The following STAT6 variants were observed in gnomAD, a reference collection of about 807,000 sequenced individuals.
STAT6 encodes the protein STAT, interleukin4-induced.
A neutral mutation model predicts 106.3 loss-of-function variants in STAT6; 45 were observed. The observed-to-expected ratio is 0.42, with a 90% confidence interval of 0.33 to 0.54. The LOEUF is 0.54. STAT6 is among the 20% of genes least tolerant of loss of function. The probability of loss-of-function intolerance (pLI) is 0.06; values close to 1 mark genes in which losing one functional copy is unlikely to be tolerated. For synonymous variants in STAT6, 413 were observed against 413.6 expected, an observed-to-expected ratio of 1.00 and a Z score of 0.02; for missense variants, 797 against 1,062.2, an observed-to-expected ratio of 0.75 and a Z score of 3.47.
In STAT6 at chr12:57,098,919, G is replaced by C. The variant is rs756822613; in HGVS notation, c.1956-17C>G. ...GGTTGGTCCCTGGAGGAGGGAAGGA[G>C]GTACATGTGACTGACCAAGGGTTGA... On this transcript the variant is annotated splice_polypyrimidine_tract_variant and intron_variant, in intron 17 of 21. Transcript: ENST00000300134. The C allele has an allele frequency of 1.4e-5, 22 of 1,613,416 alleles. No homozygotes were observed. The highest frequency in any genetic ancestry group is 1.9e-5 in the Non-Finnish European group (22 of 1,179,458).
intron 7 of STAT6, 144 bp downstream of exon 7, chr12:57,106,047 A>T: frequency 7.2e-7 from 1 of 1,393,970 alleles, no homozygotes; most frequent in Non-Finnish European, 9.7e-7. Flanking sequence ...CAGTGTGCAC[A>T]GCCCCGCTGG....
intron 13 of STAT6, chr12:57,100,855 G>C (rs1440881969): frequency 2.2e-6 from 1 of 455,678 alleles, no homozygotes; most frequent in Non-Finnish European, 4.4e-6. Context: ...CCTGCTTTGG[G>C]AACTTGAACA....
At chr12:57,098,436 C>A (rs2033592717) in intron 19 of STAT6, 69 bp downstream of exon 19, 1 of 1,439,288 alleles carries the variant, frequency 6.9e-7, no homozygotes, top group Non-Finnish European at 9.8e-7. Flanking sequence ...CACAGAAGAG[C>A]CTCTTCTAAC....
chr12:57,107,546 T>C (rs1592573685), intron 3 of STAT6, 59 bp downstream of exon 3: 5 of 1,578,064 alleles, frequency 3.2e-6, no homozygotes, highest in Non-Finnish European at 4.3e-6. Flanking sequence ...CAGGGCCCAA[T>C]GCTCAACCCA....
At chr12:57,102,656 T>C (rs989008447) in intron 12 of STAT6, among the ~76,000 whole-genome samples, 160 bp from the exon 13 acceptor site, 2 of 152,084 alleles carry the variant, frequency 1.3e-5, no homozygotes, top group African/African-American at 2.4e-5. Flanking sequence ...TGTGGCCTGA[T>C]AGTTGTTAAG....
Position 57,106,213 on chromosome 12 carries a change from T to G in STAT6, c.658A>C (p.Ser220Arg). 6.2e-7 allele frequency: 1 copy of G among 1,614,026 alleles called. No homozygotes were observed. The highest frequency in any genetic ancestry group is 8.5e-7 in the Non-Finnish European group (1 of 1,179,992). ...LAGNGAPFEE[S>R]LAPLQERCES... ...AACCTCTCCTGGAGTGGGGCCAGGC[T>G]CTCCTCAAACGGTGCGCCATTCCCT... The change falls in exon 7 of 22, where the codon AGC becomes CGC. Residue 220 changes from serine to arginine, a missense_variant. Transcript: ENST00000300134.
chr12:57,099,879 T>C lies in STAT6; in HGVS notation c.1632A>G (p.Lys544=). 2 of 1,614,178 alleles carry C rather than the reference T, an allele frequency of 1.2e-6. No homozygotes were observed. The highest frequency in any genetic ancestry group is 1.7e-6 in the Non-Finnish European group (2 of 1,180,022). Reference sequence around the variant, plus strand: ...TGAGAAGAAGGCTAGTAACGTACTGTTTGCTGATGAAGCCAATGATCAGCC... The same window carrying C: ...TGAGAAGAAGGCTAGTAACGTACTGCTTGCTGATGAAGCCAATGATCAGCC... ...SDRLIIGFIS[K]QYVTSLLLNE... The change falls in exon 15 of 22, where the codon AAA becomes AAG. Residue 544 remains lysine (K), a synonymous_variant. Transcript: ENST00000300134. This position sits in a 1 kb window ranked among gnomAD's most constrained non-coding sequence, Gnocchi z 4.7.
chr12:57,097,573 A>T (rs1039996610), intron 19 of STAT6, among the ~76,000 whole-genome samples: 1 of 152,246 alleles, frequency 6.6e-6, no homozygotes, highest in African/African-American at 2.4e-5. Context: ...TAATAATAAC[A>T]GTCATGCACC....
Position 57,096,723 on chromosome 12 carries a change from G to C in STAT6, c.2393C>G (p.Thr798Ser). Residue 798 changes from threonine (T) to serine (S), a missense_variant, in exon 22 of 22, where the codon ACT becomes AGT. Thr to Ser is a moderately conservative substitution (Grantham distance 58, BLOSUM62 1). Around this residue, in one of 4 missense-constraint regions of STAT6, gnomAD observed 226 missense variants for 236.7 expected, o/e 0.95. Coordinates refer to ENST00000300134, the MANE Select transcript of STAT6 (RefSeq NM_003153.5). The part of the protein sequence containing the change: ...EDIFPPLLPP[T>S]EQDLTKLLLE... ...GAGAAGCTTAGTGAGGTCCTGTTCAGTGGGAGGCAGCAGAGGAGGGAATAT... is the reference window on the plus strand; with the variant it reads ...GAGAAGCTTAGTGAGGTCCTGTTCACTGGGAGGCAGCAGAGGAGGGAATAT... 6.2e-7 allele frequency: 1 copy of C among 1,613,052 alleles called. No homozygotes were observed. The highest frequency in any genetic ancestry group is 2.2e-5 in the East Asian group (1 of 44,850).
chr12:57,102,270 C>A lies in STAT6; in HGVS notation c.1512+20G>T. The A allele has an allele frequency of 1.2e-6, 2 of 1,613,544 alleles. No individual in the cohort carries two copies. The highest frequency in any genetic ancestry group is 1.7e-6 in the Non-Finnish European group (2 of 1,179,880). ...GATGAAGAGCTTGGGGGTGGGAGGTCCAAAGGGCAGGAGAATGACCTTGTT... is the reference window on the plus strand; with the variant it reads ...GATGAAGAGCTTGGGGGTGGGAGGTACAAAGGGCAGGAGAATGACCTTGTT... On this transcript the variant is annotated intron_variant, in intron 13 of 21. Coordinates refer to ENST00000300134, the MANE Select transcript of STAT6 (RefSeq NM_003153.5).
intron 2 of STAT6, 36 bp downstream of exon 2, chr12:57,108,127 G>T: frequency 7.5e-7 from 1 of 1,332,638 alleles, no homozygotes; most frequent in Non-Finnish European, 1.1e-6. Flanking sequence ...AGTTAGGGAA[G>T]ACTTGGGGGA....
At chr12:57,100,586 C>T (rs944789206) in intron 13 of STAT6, among the ~76,000 whole-genome samples, 8 of 149,798 alleles carry the variant, frequency 5.3e-5, no homozygotes, top group Admixed American at 2.0e-4. Flanking sequence ...TTTCTTTCTT[C>T]TCTTTAAAGA....
At chr12:57,100,404 A>G (rs2033748265) in intron 13 of STAT6, among the ~76,000 whole-genome samples, 8 of 152,230 alleles carry the variant, frequency 5.3e-5, no homozygotes, top group Admixed American at 5.2e-4. Flanking sequence ...AGCTGGTAAG[A>G]GGCAGAGCTA....
chr12:57,097,562 A>G (rs1213145284), intron 19 of STAT6, among the ~76,000 whole-genome samples: 1 of 152,220 alleles, frequency 6.6e-6, no homozygotes, highest in Non-Finnish European at 1.5e-5. Flanking sequence ...AGGACAGAAA[A>G]TAATAATAAC....
Position 57,098,487 on chromosome 12 carries a change from A to G in STAT6, c.2159+18T>C. On this transcript the variant is annotated intron_variant, in intron 19 of 21. Transcript: ENST00000300134. ...CCCCTTAGAGTGGGATGGTATCCCC[A>G]TGAGGTTTTTCACTTACTCCTGGAA... 2 of 1,612,724 alleles carry G rather than the reference A, an allele frequency of 1.2e-6. No homozygotes were observed. Among genetic ancestry groups the G allele is most frequent in the Non-Finnish European group, 8.5e-7 (1 of 1,178,712 alleles).
Position 57,099,458 on chromosome 12 carries a change from C to A in STAT6, c.1745-18G>T, listed in dbSNP as rs752398632. On this transcript the variant is annotated intron_variant, in intron 15 of 21. Transcript: ENST00000300134. This position sits in a 1 kb window ranked among gnomAD's most constrained non-coding sequence, Gnocchi z 4.7. ...TGGAGAGCCTATGGTAGGAAGGAGA[C>A]CCTGAGATCCCTCTGTCCGGACTTT... is the stretch of plus-strand genomic sequence containing the variant. 4.5e-5 allele frequency: 72 copies of A among 1,613,926 alleles called. No individual in the cohort carries two copies. In the Admixed American group the frequency reaches 1.1e-3, roughly 25 times the overall value.
intron 1 of STAT6, chr12:57,109,946 C>G (rs1330765653): frequency 6.6e-6 from 1 of 152,304 alleles, no homozygotes; most frequent in Non-Finnish European, 1.5e-5. Flanking sequence ...CTCACCTCTC[C>G]CAGGCCTCTC....
At position 57,106,700 on chromosome 12, in the gene STAT6, A is replaced by G. The variant is rs768695002; in HGVS notation, c.471T>C (p.Ala157=). The G allele has an allele frequency of 6.2e-7, 1 of 1,614,116 alleles. No individual in the cohort carries two copies. The highest frequency in any genetic ancestry group is 1.1e-5 in the South Asian group (1 of 91,072). ...AACCACCCTGGCCCCCACCTTGGCC[A>G]GCCTCAGCCCCCTTCTGCAGGGCTT... The part of the protein sequence containing the change: ...LREALQKGAE[A]GQVSLHSLIE... Residue 157 remains alanine, a synonymous_variant, in exon 5 of 22, where the codon GCT becomes GCC. Coordinates refer to ENST00000300134, the MANE Select transcript of STAT6 (RefSeq NM_003153.5).
At chr12:57,110,221 C>T (rs1008602648) in intron 1 of STAT6, 1 of 152,378 alleles carries the variant, frequency 6.6e-6, no homozygotes, top group African/African-American at 2.4e-5. Flanking sequence ...TATCCAACCC[C>T]TCTTCTTCCC....
Sources: allele counts gnomAD v4.1 joint callset (sites outside exome capture counted in the v4.1 genomes callset), GRCh38; gene constraint gnomAD v4.1.1; regional missense constraint gnomAD v4.1.1; non-coding constraint Gnocchi (gnomAD v3.1); transcripts MANE v1.5; gene names NCBI Gene and HGNC (gene_info 2026-07-23, HGNC 2026-07-21).